CCDC191: variants seen among roughly 807,000 people sequenced by gnomAD.
The protein encoded by CCDC191 is coiled-coil domain-containing protein 191.
Under a neutral mutation model 114.0 loss-of-function variants are expected in CCDC191, and 99 were observed. The observed-to-expected ratio is 0.87, with a 90% CI of 0.74 to 1.03. The LOEUF is 1.03. Ranked by LOEUF, CCDC191 falls within the 50% of genes least tolerant of loss-of-function variation. The pLI is 0.00. For missense variants in CCDC191, 973 were observed against 1,087.0 expected (o/e 0.90, Z 1.47); for synonymous variants, 351 against 376.0 (o/e 0.93, Z 0.77).
chr3:114,035,216 A>G (rs909988997), intron 5 of CCDC191, 68 bp from the exon 6 acceptor site: 86 of 1,176,586 alleles, frequency 7.3e-5, no homozygotes, highest in Non-Finnish European at 9.5e-5. Flanking sequence ...AAGCCTTACA[A>G]TACATTTTGA....
At chr3:114,004,481 C>T in intron 11 of CCDC191, 156 bp downstream of exon 11, 1 of 1,373,640 alleles carries the variant, frequency 7.3e-7, no homozygotes, top group South Asian at 1.6e-5. Flanking sequence ...CTCTGGTGTA[C>T]TCCACTCCTC....
intron 16 of CCDC191, among the ~76,000 whole-genome samples, chr3:113,969,786 C>T (rs1001760348): frequency 2.0e-5 from 3 of 152,088 alleles, no homozygotes; most frequent in African/African-American, 4.8e-5. Flanking sequence ...TAGTGTGATA[C>T]CTAGAGCTTT....
Position 114,042,693 on chromosome 3 carries a change from A to G in CCDC191, c.415+10T>C, listed in dbSNP as rs774984675. The G allele has an allele frequency of 1.3e-6, 2 of 1,553,116 alleles. No homozygotes were observed. The highest frequency in any genetic ancestry group is 4.9e-5 in the East Asian group (2 of 41,034). Reference sequence around the variant, plus strand: ...ATGTTAAAACTTAGAACAATCAGGTAAGTTCTTACCATCAAACTTGTCATA... The same window carrying G: ...ATGTTAAAACTTAGAACAATCAGGTGAGTTCTTACCATCAAACTTGTCATA... On this transcript the variant is annotated intron_variant, in intron 4 of 16. Coordinates refer to ENST00000295878, the MANE Select transcript of CCDC191 (RefSeq NM_020817.2).
At chr3:114,017,223 G>T (rs1235952779) in intron 8 of CCDC191, among the ~76,000 whole-genome samples, 1 of 151,604 alleles carries the variant, frequency 6.6e-6, no homozygotes, top group East Asian at 1.9e-4. Context: ...AATCCAGATG[G>T]CTATGCTTCA....
chr3:114,002,718 G>T, intron 11 of CCDC191, 180 bp from the exon 12 acceptor site: 1 of 915,492 alleles, frequency 1.1e-6, no homozygotes, highest in Non-Finnish European at 1.3e-6. Context: ...TACTCTACAG[G>T]TTAAAGACCT....
At chr3:113,988,798 A>G (rs2075458073) in intron 13 of CCDC191, among the ~76,000 whole-genome samples, 1 of 151,866 alleles carries the variant, frequency 6.6e-6, no homozygotes, top group Admixed American at 6.6e-5. Context: ...CATATATGTA[A>G]GTCTTTTTTT....
intron 16 of CCDC191, among the ~76,000 whole-genome samples, chr3:113,973,704 A>G (rs933754909): frequency 2.0e-5 from 3 of 151,246 alleles, no homozygotes; most frequent in Non-Finnish European, 4.4e-5. Context: ...TTGGAGCTTC[A>G]TTATATGTTA....
chr3:114,004,596 G>C (rs535207041), intron 11 of CCDC191, 41 bp downstream of exon 11: 1 of 1,599,732 alleles, frequency 6.3e-7, no homozygotes, highest in Non-Finnish European at 8.5e-7. Context: ...CTCTAGGAGA[G>C]AAGATAACAA....
chr3:114,008,038 C>CTA (rs902003970), intron 9 of CCDC191, among the ~76,000 whole-genome samples: 2 of 144,798 alleles, frequency 1.4e-5, no homozygotes, highest in African/African-American at 5.0e-5. Context: ...ATATAAATTA[C>CTA]TATATATATA....
intron 2 of CCDC191, among the ~76,000 whole-genome samples, chr3:114,052,182 G>GT (rs2076706629): frequency 6.6e-6 from 1 of 151,896 alleles, no homozygotes; most frequent in Admixed American, 6.6e-5. Context: ...AGACTTATTG[G>GT]TTTTTTTCAA....
At position 114,033,160 on chromosome 3, in the gene CCDC191, T is replaced by C. The variant is rs949947441; in HGVS notation, c.819-1381A>G. On this transcript the variant is annotated intron_variant, in intron 6 of 16. Transcript: ENST00000295878. ...TCACTCAGGCTGGAGTGCAGTGGCA[T>C]GATCTCGGCTCACTGCAACCTCTGC... 3.9e-5 allele frequency among the ~76,000 whole-genome samples: 6 copies of C among 151,948 alleles called. No homozygotes were observed. In the East Asian group the frequency reaches 1.2e-3, roughly 29 times the overall value.
At chr3:114,056,228 C>G (rs2076777013) in intron 1 of CCDC191, 149 bp downstream of exon 1, 14 of 699,596 alleles carry the variant, frequency 2.0e-5, no homozygotes, top group Non-Finnish European at 3.2e-5. Context: ...GCATTTCACT[C>G]AGGGTAATGC....
At chr3:114,049,400 C>T (rs115075690) in intron 2 of CCDC191, among the ~76,000 whole-genome samples, 25 of 152,262 alleles carry the variant, frequency 1.6e-4, no homozygotes, top group African/African-American at 6.0e-4. Context: ...CGTATATGCA[C>T]ATATGTAAAT....
chr3:114,056,364 C>A lies in CCDC191; in HGVS notation c.90+13G>T. ...GAAAGTCCCCGCCCTCCAAAGCTCT[C>A]GATTGGGATCACCTTGGGACTCGGC... On this transcript the variant is annotated intron_variant, in intron 1 of 16. Coordinates refer to ENST00000295878, the MANE Select transcript of CCDC191 (RefSeq NM_020817.2). The A allele has an allele frequency of 1.2e-6, 2 of 1,613,718 alleles. No homozygotes were observed. Among genetic ancestry groups the A allele is most frequent in the Non-Finnish European group, 1.7e-6 (2 of 1,179,668 alleles).
At chr3:114,043,279 C>A (rs563279431) in intron 3 of CCDC191, among the ~76,000 whole-genome samples, 83 of 152,172 alleles carry the variant, frequency 5.5e-4, no homozygotes, top group African/African-American at 1.9e-3. Context: ...GCAAGGAGGC[C>A]AGTGTGGTCA....
At chr3:114,049,671 T>C (rs1559935922) in intron 2 of CCDC191, among the ~76,000 whole-genome samples, 2 of 152,072 alleles carry the variant, frequency 1.3e-5, no homozygotes. Context: ...TAAAGACAAA[T>C]GTTTGCTTGG....
chr3:114,013,050 G>C (rs1392542671), intron 8 of CCDC191, among the ~76,000 whole-genome samples: 1 of 152,040 alleles, frequency 6.6e-6, no homozygotes, highest in African/African-American at 2.4e-5. Context: ...AGGAGTTTGA[G>C]ACTTGGGCCA....
At chr3:113,973,475 T>A (rs1159717184) in intron 16 of CCDC191, among the ~76,000 whole-genome samples, 1 of 152,224 alleles carries the variant, frequency 6.6e-6, no homozygotes, top group Non-Finnish European at 1.5e-5. Context: ...CCTTTAACAT[T>A]TCTTGTAAGA....
chr3:113,965,554 C>CTGAT (rs1456484605), intron 16 of CCDC191, among the ~76,000 whole-genome samples, 195 bp from the exon 17 acceptor site: 1 of 151,986 alleles, frequency 6.6e-6, no homozygotes, highest in Admixed American at 6.6e-5. Context: ...ATGAGAGTGA[C>CTGAT]TGATTGATTG....
Sources: gnomAD v4.1 joint callset for allele counts (sites outside exome capture counted in the v4.1 genomes callset) on GRCh38, gnomAD v4.1.1 for gene constraint, MANE v1.5 for transcripts, NCBI Gene and HGNC (gene_info 2026-07-23, HGNC 2026-07-21) for gene names.